The following NVL variants were observed in gnomAD, a reference collection of about 807,000 sequenced individuals.
NVL encodes the protein nuclear VCP like.
A neutral mutation model predicts 110.2 loss-of-function variants in NVL; 84 were observed. The ratio of observed to expected loss-of-function variants is 0.76; its 90% confidence interval spans 0.64 to 0.91. The LOEUF is 0.91. Among genes scored for constraint, NVL ranks in the 40% least tolerant of loss-of-function variants. The pLI is 0.00. For missense variants in NVL, 882 were observed against 1,035.9 expected, an observed-to-expected ratio of 0.85 and a Z score of 2.04; for synonymous variants, 354 against 361.1, an observed-to-expected ratio of 0.98 and a Z score of 0.22.
chr1:224,324,151 C>T (rs1429917453), intron 2 of NVL, among the ~76,000 whole-genome samples: 1 of 152,144 alleles, frequency 6.6e-6, no homozygotes, highest in Non-Finnish European at 1.5e-5. Flanking sequence ...CATTATTGTA[C>T]TAAATACTAT....
At chr1:224,240,171 G>A (rs988305462) in intron 19 of NVL, among the ~76,000 whole-genome samples, 6 of 150,014 alleles carry the variant, frequency 4.0e-5, no homozygotes, top group African/African-American at 9.7e-5. Flanking sequence ...AGGTTCAAGC[G>A]ATTCTCCTGC....
chr1:224,304,029 C>T (rs1463201026), intron 8 of NVL, among the ~76,000 whole-genome samples, 172 bp from the exon 9 acceptor site: 1 of 152,180 alleles, frequency 6.6e-6, no homozygotes, highest in East Asian at 1.9e-4. Flanking sequence ...TCAGCAATAA[C>T]CTCTCTGAGG....
At chr1:224,228,218 T>C (rs1659406277) in intron 22 of NVL, among the ~76,000 whole-genome samples, 1 of 152,068 alleles carries the variant, frequency 6.6e-6, no homozygotes, top group African/African-American at 2.4e-5. Flanking sequence ...AAAAATCAGG[T>C]CAAGAGTCTT....
chr1:224,252,762 C>G (rs879539640), intron 18 of NVL, among the ~76,000 whole-genome samples: 11 of 152,198 alleles, frequency 7.2e-5, no homozygotes, highest in Admixed American at 7.2e-4. Flanking sequence ...TCTTCTGACT[C>G]TACAGAGCAG....
chr1:224,316,654 C>A (rs1484586182), intron 4 of NVL, among the ~76,000 whole-genome samples: 3 of 125,712 alleles, frequency 2.4e-5, no homozygotes, highest in Non-Finnish European at 5.0e-5. Flanking sequence ...CAGAGTAAAA[C>A]CCTGTCTCAA....
chr1:224,322,786 G>A (rs990942861), intron 2 of NVL, among the ~76,000 whole-genome samples: 5 of 151,930 alleles, frequency 3.3e-5, no homozygotes, highest in African/African-American at 7.3e-5. Flanking sequence ...AAACCCTGTC[G>A]CTACTAAAAT....
At chr1:224,296,450 C>T in intron 11 of NVL, 51 bp downstream of exon 11, 1 of 950,764 alleles carries the variant, frequency 1.1e-6, no homozygotes, top group Non-Finnish European at 1.6e-6. Context: ...ATTAATTACA[C>T]TATTTTAAAA....
intron 13 of NVL, among the ~76,000 whole-genome samples, chr1:224,288,931 A>T (rs984659002): frequency 6.6e-6 from 1 of 152,232 alleles, no homozygotes; most frequent in Non-Finnish European, 1.5e-5. Context: ...TGTCCTCCAG[A>T]GCTGTTTGCA....
Position 224,289,567 on chromosome 1 carries a change from TCTG to T in NVL, c.1489_1491del (p.Gln497del), listed in dbSNP as rs1442975208. 1 of 1,614,266 alleles carries T rather than the reference TCTG, an allele frequency of 6.2e-7. No individual in the cohort carries two copies. The highest frequency in any genetic ancestry group is 1.3e-5 in the African/African-American group (1 of 75,072). On this transcript the variant is annotated inframe_deletion, in exon 13 of 23. Coordinates refer to ENST00000281701, the MANE Select transcript of NVL (RefSeq NM_002533.4). ...AAATCTTCCATTTCAGGATTTTTCTTCTGCTGTTCCTGTAGCTTCATTAAGACT... is the reference window on the plus strand; with the variant it reads ...AAATCTTCCATTTCAGGATTTTTCTTCTGTTCCTGTAGCTTCATTAAGACT...
chr1:224,250,147 C>G, intron 19 of NVL, 65 bp downstream of exon 19: 1 of 1,550,030 alleles, frequency 6.5e-7, no homozygotes, highest in Non-Finnish European at 8.8e-7. Context: ...ATTACTACCT[C>G]TTATAACTGT....
At chr1:224,315,589 A>G (rs916713470) in intron 4 of NVL, among the ~76,000 whole-genome samples, 8 of 152,240 alleles carry the variant, frequency 5.3e-5, no homozygotes, top group African/African-American at 1.7e-4. Context: ...AACAAATATC[A>G]GCAATTTGTG....
At chr1:224,265,030 C>G (rs1240708749) in intron 18 of NVL, among the ~76,000 whole-genome samples, 1 of 151,278 alleles carries the variant, frequency 6.6e-6, no homozygotes, top group Non-Finnish European at 1.5e-5. Flanking sequence ...CAGGTGTGAG[C>G]CACCGTGCCC....
intron 5 of NVL, among the ~76,000 whole-genome samples, chr1:224,308,775 C>A (rs941398670): frequency 6.1e-5 from 9 of 147,232 alleles, no homozygotes; most frequent in Non-Finnish European, 1.0e-4. Flanking sequence ...AAAAAGACTT[C>A]ACTCGGCCGG....
intron 18 of NVL, among the ~76,000 whole-genome samples, chr1:224,264,390 G>C (rs915891430): frequency 6.6e-6 from 1 of 151,682 alleles, no homozygotes; most frequent in African/African-American, 2.4e-5. Context: ...CGGGATTGCA[G>C]GCGCCCACCA....
intron 19 of NVL, among the ~76,000 whole-genome samples, chr1:224,241,821 A>T (rs1661225849): frequency 6.7e-6 from 1 of 148,462 alleles, no homozygotes; most frequent in Admixed American, 6.9e-5. Context: ...AAACCACTGC[A>T]CTCCAGCCTA....
intron 17 of NVL, 100 bp from the exon 18 acceptor site, chr1:224,268,233 T>A: frequency 1.2e-6 from 1 of 832,650 alleles, no homozygotes; most frequent in Non-Finnish European, 1.9e-6. Context: ...GCAAAGGAGA[T>A]AACAATGATA....
At chr1:224,254,568 T>G (rs1167264864) in intron 18 of NVL, among the ~76,000 whole-genome samples, 4 of 52,846 alleles carry the variant, frequency 7.6e-5, no homozygotes, top group East Asian at 2.8e-4. Flanking sequence ...AATTTGTTTT[T>G]TTTGTTTTTT....
chr1:224,264,335 C>T (rs1199992607), intron 18 of NVL, among the ~76,000 whole-genome samples: 2 of 151,828 alleles, frequency 1.3e-5, no homozygotes, highest in Non-Finnish European at 2.9e-5. Flanking sequence ...CCTCCGCCTC[C>T]TGGGTTCAAG....
At chr1:224,274,890 T>C (rs759323624) in intron 17 of NVL, among the ~76,000 whole-genome samples, 1 of 152,178 alleles carries the variant, frequency 6.6e-6, no homozygotes, top group African/African-American at 2.4e-5. Context: ...GGTCTTTTTT[T>C]ATCTTCATCA....
Sources: allele counts gnomAD v4.1 joint callset (sites outside exome capture counted in the v4.1 genomes callset), GRCh38; gene constraint gnomAD v4.1.1; transcripts MANE v1.5; gene names NCBI Gene and HGNC (gene_info 2026-07-23, HGNC 2026-07-21).